The following ZNF385D variants were observed in gnomAD, a reference collection of about 807,000 sequenced individuals.
ZNF385D encodes zinc finger protein 385D.
A neutral mutation model predicts 35.8 loss-of-function variants in ZNF385D; 15 were observed. That is an observed-to-expected ratio of 0.42 (90% CI 0.28 to 0.64). The LOEUF (loss-of-function observed/expected upper bound fraction) is 0.64. ZNF385D is among the 30% of genes least tolerant of loss of function. The pLI is 0.23. For synonymous variants in ZNF385D, 212 were observed against 186.8 expected, an observed-to-expected ratio of 1.13 and a Z score of -1.10; for missense variants, 474 against 494.6, an observed-to-expected ratio of 0.96 and a Z score of 0.39.
intron 3 of ZNF385D, among the ~76,000 whole-genome samples, chr3:22,099,325 G>T (rs961882485): frequency 6.6e-6 from 1 of 152,084 alleles, no homozygotes; most frequent in Non-Finnish European, 1.5e-5. Flanking sequence ...AAGGGCTGAA[G>T]GTTTGGAATA....
chr3:21,946,390 T>A lies in ZNF385D; in HGVS notation c.325+222427A>T, dbSNP rs71310297. ...AAGCAGTCTACATGGAGTCACCCAT[T>A]AGTTTGTAGGCATTGCAAAGTTGAA... On this transcript the variant is annotated intron_variant, in intron 3 of 5. Coordinates refer to the ZNF385D transcript ENST00000494108. Among the ~76,000 whole-genome samples the A allele has an allele frequency of 2.0e-3, 306 of 152,296 alleles. 1 individual carries two copies. The highest frequency in any genetic ancestry group is 4.1e-3 in the Admixed American group (63 of 15,286).
chr3:21,858,608 C>T (rs1037369253), intron 3 of ZNF385D, among the ~76,000 whole-genome samples: 1 of 151,898 alleles, frequency 6.6e-6, no homozygotes, highest in Non-Finnish European at 1.5e-5. Flanking sequence ...TCTCAGGAGA[C>T]ACTGCATCTG....
chr3:21,500,082 C>CAACTT lies in ZNF385D; in HGVS notation c.439+10778_439+10779insAAGTT, dbSNP rs371864028. Among the ~76,000 whole-genome samples, 394 of 152,260 alleles carry CAACTT rather than the reference C, an allele frequency of 2.6e-3. 2 individuals carry two copies. The highest frequency in any genetic ancestry group is 9.0e-3 in the African/African-American group (375 of 41,542). ...AATGCAATTATGATAATTAAAATAG[C>CAACTT]AATTTTATGCTGTCTCTGGGAAATG... On this transcript the variant is annotated intron_variant, in intron 4 of 7. Coordinates refer to ENST00000281523, the MANE Select transcript of ZNF385D (RefSeq NM_024697.3).
chr3:21,782,483 T>C (rs1491003735), intron 3 of ZNF385D, among the ~76,000 whole-genome samples: 1 of 152,110 alleles, frequency 6.6e-6, no homozygotes, highest in East Asian at 1.9e-4. Flanking sequence ...GGTTGTTTTA[T>C]CTAGAATTTG....
chr3:22,185,553 C>T (rs796783619), intron 2 of ZNF385D, among the ~76,000 whole-genome samples: 16 of 152,228 alleles, frequency 1.1e-4, no homozygotes, highest in East Asian at 1.9e-4. Flanking sequence ...CTGCAACCTC[C>T]GCCTCCCGGG....
intron 2 of ZNF385D, among the ~76,000 whole-genome samples, chr3:22,223,682 G>A (rs1420851880): frequency 6.6e-5 from 10 of 152,082 alleles, no homozygotes; most frequent in Admixed American, 4.6e-4. Context: ...AATTTTGAAC[G>A]AGACAGATGC....
At chr3:21,926,049 C>T (rs1700708931) in intron 3 of ZNF385D, among the ~76,000 whole-genome samples, 2 of 152,178 alleles carry the variant, frequency 1.3e-5, no homozygotes, top group South Asian at 4.1e-4. Context: ...AATAATATAG[C>T]CACTCTGAAA....
intron 2 of ZNF385D, among the ~76,000 whole-genome samples, chr3:21,576,044 A>G (rs191214970): frequency 1.0e-3 from 156 of 152,344 alleles, no homozygotes; most frequent in Non-Finnish European, 2.0e-3. Context: ...TATGGAATAC[A>G]GAATACCAAC....
intron 3 of ZNF385D, among the ~76,000 whole-genome samples, chr3:22,136,671 A>G (rs1704135676): frequency 1.3e-5 from 2 of 152,306 alleles, no homozygotes; most frequent in South Asian, 4.1e-4. Context: ...CATTGCCAAA[A>G]CGTGGGAGCA....
chr3:21,943,296 ATG>A (rs1043397376), intron 3 of ZNF385D, among the ~76,000 whole-genome samples: 17 of 150,754 alleles, frequency 1.1e-4, no homozygotes, highest in East Asian at 1.9e-4. Flanking sequence ...GTGTGTATAG[ATG>A]TGTGTGTGTG....
At chr3:21,694,405 A>G (rs2067398144) in intron 1 of ZNF385D, among the ~76,000 whole-genome samples, 1 of 152,028 alleles carries the variant, frequency 6.6e-6, no homozygotes, top group South Asian at 2.1e-4. Flanking sequence ...ATTCTGGTAC[A>G]CACTCAAAAA....
intron 2 of ZNF385D, among the ~76,000 whole-genome samples, chr3:22,183,908 G>T (rs1695454995): frequency 6.6e-6 from 1 of 151,386 alleles, no homozygotes; most frequent in African/African-American, 2.4e-5. Flanking sequence ...TGCTGTGAAA[G>T]AACTGTTAAT....
At chr3:21,973,233 T>C (rs975852611) in intron 3 of ZNF385D, among the ~76,000 whole-genome samples, 1 of 151,962 alleles carries the variant, frequency 6.6e-6, no homozygotes, top group African/African-American at 2.4e-5. Flanking sequence ...CAAGTTGGAC[T>C]TTTTTCCAGG....
chr3:21,810,204 G>T (rs1179489209), intron 3 of ZNF385D, among the ~76,000 whole-genome samples: 4 of 151,916 alleles, frequency 2.6e-5, no homozygotes, highest in African/African-American at 9.7e-5. Context: ...GATCAATTAG[G>T]GTTTCTTCTA....
chr3:22,285,266 A>C (rs1023557522), intron 2 of ZNF385D, among the ~76,000 whole-genome samples: 14 of 152,188 alleles, frequency 9.2e-5, no homozygotes, highest in African/African-American at 2.2e-4. Flanking sequence ...ATCTGCCTCT[A>C]ACCCTCCACC....
chr3:22,213,071 T>C (rs936845882), intron 2 of ZNF385D, among the ~76,000 whole-genome samples: 1 of 152,026 alleles, frequency 6.6e-6, no homozygotes, highest in African/African-American at 2.4e-5. Flanking sequence ...ATAAGTCACA[T>C]TCAGTTTATA....
chr3:22,360,849 C>T (rs904392450), intron 2 of ZNF385D, among the ~76,000 whole-genome samples: 5 of 151,920 alleles, frequency 3.3e-5, no homozygotes, highest in Non-Finnish European at 5.9e-5. Flanking sequence ...CTATGAGATG[C>T]TATTAATCGG....
intron 3 of ZNF385D, among the ~76,000 whole-genome samples, chr3:22,088,519 C>T (rs1422298626): frequency 6.6e-6 from 1 of 152,126 alleles, no homozygotes; most frequent in Non-Finnish European, 1.5e-5. Flanking sequence ...TTGCAATCAT[C>T]TGAAATTGTT....
At chr3:22,166,400 G>C (rs887857648) in intron 3 of ZNF385D, among the ~76,000 whole-genome samples, 1 of 152,118 alleles carries the variant, frequency 6.6e-6, no homozygotes, top group Non-Finnish European at 1.5e-5. Flanking sequence ...GAAAGGCATA[G>C]TTTGTACAGA....
Sources: gnomAD v4.1 joint callset for allele counts (sites outside exome capture counted in the v4.1 genomes callset) on GRCh38, gnomAD v4.1.1 for gene constraint, MANE v1.5 for transcripts, NCBI Gene and HGNC (gene_info 2026-07-23, HGNC 2026-07-21) for gene names.